The following RNF144A variants were observed in gnomAD, a reference collection of about 807,000 sequenced individuals.
RNF144A encodes the protein ring finger protein 144A.
RNF144A carries 11 observed loss-of-function variants against 38.7 expected under a neutral mutation model. The observed-to-expected ratio is 0.28, with a 90% CI of 0.18 to 0.47. RNF144A has a LOEUF of 0.47. Among genes scored for constraint, RNF144A ranks in the 20% least tolerant of loss-of-function variants. The pLI, the probability that RNF144A is intolerant of heterozygous loss-of-function variation, is 0.99. For missense variants in RNF144A, 316 were observed against 377.2 expected (o/e 0.84, Z 1.34); for synonymous variants, 149 against 143.9 (o/e 1.04, Z -0.25).
At chr2:7,070,036 C>G (rs569374874), downstream of RNF144A, among the ~76,000 whole-genome samples, 31 of 152,320 alleles carry the variant, frequency 2.0e-4, no homozygotes, top group African/African-American at 7.2e-4. Context: ...TTCACAGTGT[C>G]TTCCAACTAT....
At chr2:7,024,336 T>A in intron 6 of RNF144A, 33 bp from the exon 7 acceptor site, 1 of 1,567,662 alleles carries the variant, frequency 6.4e-7, no homozygotes, top group Non-Finnish European at 8.7e-7. Context: ...TGGGATCCGT[T>A]TGTGCAGAGT....
At chr2:7,033,454 G>T (rs1226171749) in intron 8 of RNF144A, among the ~76,000 whole-genome samples, 2 of 152,216 alleles carry the variant, frequency 1.3e-5, no homozygotes, top group Non-Finnish European at 2.9e-5. Flanking sequence ...CTTGGCAGCC[G>T]CATCTTCCCT....
At chr2:7,046,162 G>A (rs1049635235), downstream of RNF144A, among the ~76,000 whole-genome samples, 4 of 152,204 alleles carry the variant, frequency 2.6e-5, no homozygotes, top group Non-Finnish European at 5.9e-5. Context: ...TATAACTGCT[G>A]ATGTGGCTCG....
At chr2:6,924,975 T>C (rs531772918) in intron 1 of RNF144A, among the ~76,000 whole-genome samples, 27 of 152,214 alleles carry the variant, frequency 1.8e-4, no homozygotes, top group Non-Finnish European at 3.2e-4. Context: ...GCTGGCTCTT[T>C]GACGGATGGA....
In RNF144A at chr2:6,989,018, A is replaced by C. The variant is rs371950228; in HGVS notation, c.-11-7898A>C. Among the ~76,000 whole-genome samples, 80 of 152,226 alleles carry C rather than the reference A, an allele frequency of 5.3e-4. 2 individuals are homozygous for C. The highest frequency in any genetic ancestry group is 1.8e-3 in the African/African-American group (76 of 41,524). ...TAGCTCAACTCCAATGTCCTGCCCC[A>C]GTCCTAGAATCAGCTGTTTGTCCAG... On this transcript the variant is annotated intron_variant, in intron 2 of 8. Transcript: ENST00000320892.
chr2:6,969,942 A>G (rs577752875), intron 2 of RNF144A, among the ~76,000 whole-genome samples: 1 of 151,894 alleles, frequency 6.6e-6, no homozygotes, highest in Non-Finnish European at 1.5e-5. Flanking sequence ...TTGTATTTTT[A>G]GTAGAGACGG....
intron 2 of RNF144A, among the ~76,000 whole-genome samples, chr2:6,942,757 G>A (rs1666088868): frequency 6.6e-6 from 1 of 152,206 alleles, no homozygotes; most frequent in Non-Finnish European, 1.5e-5. Flanking sequence ...GCCAAGATGG[G>A]TGGATCACCT....
intron 2 of RNF144A, among the ~76,000 whole-genome samples, chr2:6,986,558 C>T (rs1409721883): frequency 6.6e-6 from 1 of 152,174 alleles, no homozygotes; most frequent in East Asian, 1.9e-4. Flanking sequence ...GTCTCCCACA[C>T]CCCACAGTGG....
In RNF144A at chr2:6,992,756, G is replaced by A. The variant is rs376476736; in HGVS notation, c.-11-4160G>A. Among the ~76,000 whole-genome samples the A allele has an allele frequency of 6.6e-5, 10 of 152,294 alleles. 1 individual carries two copies. The South Asian group carries it at 2.1e-3, about 32-fold the overall frequency. On this transcript the variant is annotated intron_variant, in intron 2 of 8. Coordinates refer to ENST00000320892, the MANE Select transcript of RNF144A (RefSeq NM_014746.6). ...TCAAATAACCACCTTGGACCTTGCA[G>A]GAATCTGCTGAATCTCTCTACAGTG...
intron 1 of RNF144A, among the ~76,000 whole-genome samples, chr2:6,930,706 C>G (rs1370777573): frequency 6.6e-6 from 1 of 152,132 alleles, no homozygotes; most frequent in Non-Finnish European, 1.5e-5. Context: ...ATCCTCCCAC[C>G]TCAGCCTCCT....
At chr2:6,982,215 T>C (rs989210580) in intron 2 of RNF144A, among the ~76,000 whole-genome samples, 3 of 152,178 alleles carry the variant, frequency 2.0e-5, no homozygotes, top group African/African-American at 7.2e-5. Flanking sequence ...AGTGGCAAAA[T>C]ATAAAGTAGA....
At chr2:7,009,899 G>T (rs1240937174) in intron 3 of RNF144A, among the ~76,000 whole-genome samples, 1 of 152,218 alleles carries the variant, frequency 6.6e-6, no homozygotes, top group African/African-American at 2.4e-5. Context: ...CTGTTGCCAG[G>T]TGTCTGGCTA....
At position 6,996,987 on chromosome 2, in the gene RNF144A, AAGCTCTGTCTTGGGGAGTACCCAGTGG is replaced by A; in HGVS notation, c.65_91del (p.Leu22_Glu30del). 1 of 1,614,148 alleles carries A rather than the reference AAGCTCTGTCTTGGGGAGTACCCAGTGG, an allele frequency of 6.2e-7. No individual in the cohort carries two copies. The highest frequency in any genetic ancestry group is 8.5e-7 in the Non-Finnish European group (1 of 1,179,976). ...GGCCCTCGACCCGCTGGTGTCTTGC[AAGCTCTGTCTTGGGGAGTACCCAGTGG>A]AGCAGATGACAACCATAGCCCAGTG... On this transcript the variant is annotated inframe_deletion, in exon 3 of 9. Coordinates refer to ENST00000320892, the MANE Select transcript of RNF144A (RefSeq NM_014746.6).
intron 3 of RNF144A, among the ~76,000 whole-genome samples, chr2:7,011,154 T>A (rs1179637409): frequency 6.6e-6 from 1 of 152,190 alleles, no homozygotes; most frequent in Non-Finnish European, 1.5e-5. Flanking sequence ...TAAATTTTAT[T>A]GTATATATTT....
intron 2 of RNF144A, among the ~76,000 whole-genome samples, chr2:6,990,054 C>CCA (rs1669230197): frequency 6.6e-6 from 1 of 152,112 alleles, no homozygotes; most frequent in Admixed American, 6.6e-5. Context: ...GCATTCTCTC[C>CCA]CAGGGTTCAT....
rs1178447501 is a variant in RNF144A at position 6,917,562 on chromosome 2, A to G, written c.-272A>G. 6 of 147,198 alleles carry G rather than the reference A, an allele frequency of 4.1e-5. No individual in the cohort carries two copies. The highest frequency in any genetic ancestry group is 4.0e-4 in the Admixed American group (6 of 14,856). The allele number at this position is 147,198 out of a possible 1,614,324, so 9.1% of individuals were successfully genotyped here. On this transcript the variant is annotated 5_prime_UTR_variant, in exon 1 of 9. Transcript: ENST00000320892. This position sits in a 1 kb window ranked among gnomAD's most constrained non-coding sequence, Gnocchi z 4.8. ...GGGCGGCAAACTGCGGGCACCCGGCACCCCGCAGCCAGTACCGGGCGGAGG... is the reference window on the plus strand; with the variant it reads ...GGGCGGCAAACTGCGGGCACCCGGCGCCCCGCAGCCAGTACCGGGCGGAGG...
At chr2:6,968,133 C>T (rs147736525) in intron 2 of RNF144A, among the ~76,000 whole-genome samples, 348 of 152,310 alleles carry the variant, frequency 2.3e-3, no homozygotes, top group African/African-American at 8.0e-3. Flanking sequence ...AATGGTATCA[C>T]GTAAAACAGC....
chr2:6,979,618 C>A (rs1186168613), intron 2 of RNF144A, among the ~76,000 whole-genome samples: 1 of 151,558 alleles, frequency 6.6e-6, no homozygotes, highest in Non-Finnish European at 1.5e-5. Context: ...TGGTGGGGGA[C>A]CAGAAGTTAT....
chr2:6,983,155 C>A, intron 2 of RNF144A, among the ~76,000 whole-genome samples: 1 of 152,232 alleles, frequency 6.6e-6, no homozygotes, highest in East Asian at 1.9e-4. Context: ...GCTAAAGATA[C>A]CGTCTCCCTT....
Sources: allele counts gnomAD v4.1 joint callset (sites outside exome capture counted in the v4.1 genomes callset), GRCh38; gene constraint gnomAD v4.1.1; non-coding constraint Gnocchi (gnomAD v3.1); transcripts MANE v1.5; gene names NCBI Gene and HGNC (gene_info 2026-07-23, HGNC 2026-07-21).